KIF1B: variants seen among roughly 807,000 people sequenced by gnomAD.
KIF1B encodes the protein kinesin-like protein KIF1B.
A neutral mutation model predicts 241.9 loss-of-function variants in KIF1B; 76 were observed. The observed-to-expected ratio is 0.31, with a 90% confidence interval of 0.26 to 0.38. The LOEUF (loss-of-function observed/expected upper bound fraction) is 0.38, where lower values mean the gene tolerates loss of function less well. Among genes scored for constraint, KIF1B ranks in the 10% least tolerant of loss-of-function variants. KIF1B has a pLI of 1.00. For missense variants in KIF1B, 1,622 were observed against 2,271.4 expected (o/e 0.71, Z 5.81); for synonymous variants, 750 against 796.7 (o/e 0.94, Z 0.99).
chr1:10,348,595 G>C, intron 36 of KIF1B, 54 bp from the exon 37 acceptor site: 1 of 1,351,632 alleles, frequency 7.4e-7, no homozygotes, highest in Non-Finnish European at 1.1e-6. Flanking sequence ...AACAGTAGAC[G>C]AGAGGAGATA....
intron 28 of KIF1B, 103 bp downstream of exon 28, chr1:10,334,741 G>A (rs1652100274): frequency 2.3e-6 from 2 of 885,882 alleles, no homozygotes; most frequent in Admixed American, 1.8e-5. Context: ...ACAAACTGTG[G>A]GGAGTTTGTA....
chr1:10,231,019 T>A (rs188000072), intron 1 of KIF1B: 7 of 152,266 alleles, frequency 4.6e-5, no homozygotes, highest in South Asian at 2.1e-4. Context: ...GAGACCAGCC[T>A]GGTTGACATG....
chr1:10,332,811 G>C (rs1169174176), intron 27 of KIF1B, among the ~76,000 whole-genome samples: 2 of 127,316 alleles, frequency 1.6e-5, no homozygotes, highest in Non-Finnish European at 3.3e-5. Context: ...CACCGCGCCT[G>C]GCCTCTTTTT....
At chr1:10,296,825 G>A in intron 20 of KIF1B, 72 bp from the exon 21 acceptor site, 4 of 1,413,296 alleles carry the variant, frequency 2.8e-6, no homozygotes, top group Non-Finnish European at 4.0e-6. Flanking sequence ...ATTAGGGAGG[G>A]GTGAGGTTGT....
Position 10,344,294 on chromosome 1 carries a change from A to G in KIF1B, c.3688+1007A>G, listed in dbSNP as rs578135885. On this transcript the variant is annotated intron_variant, in intron 34 of 48. Transcript: ENST00000676179. Reference sequence around the variant, plus strand: ...GAGAGGGTACCCAAACGAGATGGTTAGTAGCTGAATTAGCTCCACCTTAGA... The same window carrying G: ...GAGAGGGTACCCAAACGAGATGGTTGGTAGCTGAATTAGCTCCACCTTAGA... Among the ~76,000 whole-genome samples the G allele has an allele frequency of 2.4e-4, 36 of 152,332 alleles. 1 individual carries two copies. The South Asian group carries it at 3.1e-3, about 13-fold the overall frequency.
Position 10,326,211 on chromosome 1 carries a change from G to A in KIF1B, c.2776G>A (p.Glu926Lys), listed in dbSNP as rs766687578. ...TTCCGACATCACTGAGCTGGCTGAC[G>A]AGCAGCAAGATGAGATGGAGGATTT... ...ADSDITELAD[E>K]QQDEMEDFDD... Residue 926 changes from glutamate to lysine, a missense_variant, in exon 27 of 49, where the codon GAG becomes AAG. By Grantham distance (56) the Glu-to-Lys change is moderately conservative (BLOSUM62 1). This residue lies in a region of KIF1B where 803 missense variants were observed against 1,112.0 expected (regional missense o/e 0.72). Transcript: ENST00000676179. This position sits in a 1 kb window ranked among gnomAD's most constrained non-coding sequence, Gnocchi z 5.2. 1.2e-6 allele frequency: 2 copies of A among 1,614,162 alleles called. No individual in the cohort carries two copies. Among genetic ancestry groups the A allele is most frequent in the Non-Finnish European group, 1.7e-6 (2 of 1,180,036 alleles).
chr1:10,350,252 A>G (rs2102331869), intron 37 of KIF1B, among the ~76,000 whole-genome samples: 1 of 150,666 alleles, frequency 6.6e-6, no homozygotes, highest in East Asian at 2.0e-4. Context: ...CAGCAGAGTG[A>G]GACTCTGTTT....
chr1:10,317,802 A>G (rs143875216), intron 22 of KIF1B, among the ~76,000 whole-genome samples: 1,853 of 146,318 alleles, frequency 0.013, 106 homozygotes, highest in African/African-American at 0.045. Flanking sequence ...CTGCACTCCA[A>G]CCTGGGTGAC....
In KIF1B at chr1:10,371,270, C is replaced by T. The variant is rs1026893035; in HGVS notation, c.4946+8C>T. The T allele has an allele frequency of 1.9e-6, 3 of 1,613,922 alleles. No homozygotes were observed. Among genetic ancestry groups the T allele is most frequent in the African/African-American group, 1.3e-5 (1 of 74,904 alleles). On this transcript the variant is annotated splice_region_variant and intron_variant, in intron 45 of 48. Transcript: ENST00000676179. ...CAACTCTCTGGATCAGAAGTAAGTA[C>T]CCAGATTTCACTGAGAGAAGTCAAT...
chr1:10,307,722 T>TTGTGGGAAATA (rs1360038419), intron 22 of KIF1B: 65 of 1,028,898 alleles, frequency 6.3e-5, no homozygotes, highest in Non-Finnish European at 7.6e-5. Context: ...GCTATTATTA[T>TTGTGGGAAATA]AGCAAAGTGG....
chr1:10,323,529 G>A (rs1651603623), intron 24 of KIF1B, among the ~76,000 whole-genome samples: 1 of 152,150 alleles, frequency 6.6e-6, no homozygotes, highest in Non-Finnish European at 1.5e-5. Context: ...GGCTGAGATG[G>A]TAGGATCACC....
intron 34 of KIF1B, 148 bp downstream of exon 34, chr1:10,343,435 G>A: frequency 1.2e-6 from 1 of 827,338 alleles, no homozygotes. Flanking sequence ...TATCTAGTAG[G>A]AACTAGAATT....
In KIF1B at chr1:10,323,821, C is replaced by T. The variant is rs1198239973; in HGVS notation, c.2359-63C>T. On this transcript the variant is annotated intron_variant, in intron 24 of 48. Coordinates refer to ENST00000676179, the MANE Select transcript of KIF1B (RefSeq NM_001365951.3). ...TCTTTCCCATTGGGTATGATTGTAT[C>T]GTCTCATCTCTGAAGCTTGCTTGCT... 4.5e-6 allele frequency: 6 copies of T among 1,320,818 alleles called. No homozygotes were observed. The Admixed American group carries it at 5.1e-5, about 11-fold the overall frequency. The allele number at this position is 1,320,818 out of a possible 1,614,324, so 81.8% of individuals were successfully genotyped here. A position where few individuals can be genotyped will look rare whatever the true frequency, so the allele number is the denominator to read the frequency against.
chr1:10,284,272 G>A lies in KIF1B; in HGVS notation c.1434+1739G>A, dbSNP rs141031660. On this transcript the variant is annotated intron_variant, in intron 15 of 48. Coordinates refer to ENST00000676179, the MANE Select transcript of KIF1B (RefSeq NM_001365951.3). ...ATGCTTTAGAAACAAAAATAAGGCC[G>A]GGCACGGTAGCTCACACCTGTAATT... Among the ~76,000 whole-genome samples, 923 of 152,264 alleles carry A rather than the reference G, an allele frequency of 6.1e-3. 7 individuals are homozygous for A. Among genetic ancestry groups the A allele is most frequent in the African/African-American group, 0.021 (882 of 41,562 alleles).
At position 10,303,327 on chromosome 1, in the gene KIF1B, G is replaced by C; in HGVS notation, c.2115+6081G>C. ...GGAAGAAACGTGAACCAATTAAAAT[G>C]TATCAGATACCCCAAAGAAGGCGCT... On this transcript the variant is annotated intron_variant, in intron 22 of 48. Coordinates refer to ENST00000676179, the MANE Select transcript of KIF1B (RefSeq NM_001365951.3). The surrounding 1 kb of genome is among the most constrained non-coding windows in gnomAD (Gnocchi z 5.2). 1 of 1,614,140 alleles carries C rather than the reference G, an allele frequency of 6.2e-7. No homozygotes were observed. The highest frequency in any genetic ancestry group is 1.1e-5 in the South Asian group (1 of 91,080).
rs1170482092 is a variant in KIF1B, at chr1:10,304,186, AAAG to A, written c.2115+6945_2115+6947del. ...AGACGATGAAGCAAGGAAAGGGAAT[AAAG>A]AAGAGAGCCAAGAAAAAGGGGGTAA... On this transcript the variant is annotated intron_variant, in intron 22 of 48. Coordinates refer to ENST00000676179, the MANE Select transcript of KIF1B (RefSeq NM_001365951.3). The A allele has an allele frequency of 3.7e-6, 6 of 1,614,136 alleles. No individual in the cohort carries two copies. Among genetic ancestry groups the A allele is most frequent in the Middle Eastern group, 3.3e-4 (2 of 6,062 alleles).
chr1:10,262,135 C>T (rs532253967), intron 5 of KIF1B, among the ~76,000 whole-genome samples, 165 bp downstream of exon 5: 1 of 152,174 alleles, frequency 6.6e-6, no homozygotes, highest in African/African-American at 2.4e-5. Flanking sequence ...TAGTGTCCTG[C>T]TTTAATCTTT....
chr1:10,260,256 G>C (rs1648053526), intron 4 of KIF1B, among the ~76,000 whole-genome samples: 1 of 152,134 alleles, frequency 6.6e-6, no homozygotes, highest in South Asian at 2.1e-4. Flanking sequence ...TCTAAACATA[G>C]AAAAGTACAT....
chr1:10,295,031 C>T, intron 17 of KIF1B, 55 bp from the exon 18 acceptor site: 1 of 1,170,308 alleles, frequency 8.5e-7, no homozygotes, highest in Non-Finnish European at 1.3e-6. Context: ...CCTGTTGTTA[C>T]CACAGCTCTC....
Sources: gnomAD v4.1 joint callset for allele counts (sites outside exome capture counted in the v4.1 genomes callset) on GRCh38, gnomAD v4.1.1 for gene constraint, gnomAD v4.1.1 regional missense constraint, Gnocchi (gnomAD v3.1) non-coding constraint, MANE v1.5 for transcripts, NCBI Gene and HGNC (gene_info 2026-07-23, HGNC 2026-07-21) for gene names.